PARP8: variants seen among roughly 807,000 people sequenced by gnomAD.
The protein encoded by PARP8 is poly(ADP-ribose) polymerase family member 8.
Under a neutral mutation model 124.1 loss-of-function variants are expected in PARP8, and 51 were observed. That is an observed-to-expected ratio of 0.41 (90% CI 0.33 to 0.52). PARP8 has a LOEUF of 0.52. PARP8 is among the 20% of genes least tolerant of loss of function. The pLI is 0.21. For synonymous variants in PARP8, 391 were observed against 361.5 expected, an observed-to-expected ratio of 1.08 and a Z score of -0.93; for missense variants, 860 against 1,018.9, an observed-to-expected ratio of 0.84 and a Z score of 2.12.
chr5:50,694,068 C>G (rs964648001), intron 2 of PARP8, among the ~76,000 whole-genome samples: 6 of 152,028 alleles, frequency 3.9e-5, no homozygotes, highest in African/African-American at 1.4e-4. Flanking sequence ...CTTTCTGTAC[C>G]ATTCTTTATG....
intron 7 of PARP8, among the ~76,000 whole-genome samples, chr5:50,767,606 A>T (rs978024846): frequency 7.2e-5 from 11 of 152,210 alleles, no homozygotes; most frequent in African/African-American, 2.4e-4. Context: ...TCTTATGCAC[A>T]GTTTTACATG....
At chr5:50,769,832 T>G (rs1761424143) in intron 7 of PARP8, among the ~76,000 whole-genome samples, 2 of 152,086 alleles carry the variant, frequency 1.3e-5, no homozygotes, top group African/African-American at 4.8e-5. Context: ...CATATTGTGA[T>G]AAGACAGATT....
At chr5:50,748,191 GT>G (rs1758823400) in intron 2 of PARP8, among the ~76,000 whole-genome samples, 1 of 40,302 alleles carries the variant, frequency 2.5e-5, no homozygotes, top group Non-Finnish European at 7.0e-5. Flanking sequence ...TTTTTAAGCA[GT>G]TTGTGTGTGT....
chr5:50,790,053 TG>T (rs1741772113), intron 10 of PARP8, among the ~76,000 whole-genome samples: 1 of 152,172 alleles, frequency 6.6e-6, no homozygotes, highest in Non-Finnish European at 1.5e-5. Flanking sequence ...TGACTTAAAT[TG>T]GGGCAGTACT....
At chr5:50,737,976 A>G (rs1757644473) in intron 2 of PARP8, among the ~76,000 whole-genome samples, 1 of 152,226 alleles carries the variant, frequency 6.6e-6, no homozygotes, top group Non-Finnish European at 1.5e-5. Flanking sequence ...TCTTATGAGA[A>G]CAAAACATGT....
intron 7 of PARP8, among the ~76,000 whole-genome samples, chr5:50,776,818 G>A (rs752597975): frequency 3.3e-5 from 5 of 152,048 alleles, no homozygotes; most frequent in Non-Finnish European, 5.9e-5. Flanking sequence ...TCTATTACTT[G>A]AATACATAAT....
intron 2 of PARP8, among the ~76,000 whole-genome samples, chr5:50,684,390 A>C (rs1323972507): frequency 6.6e-6 from 1 of 152,164 alleles, no homozygotes; most frequent in East Asian, 1.9e-4. Flanking sequence ...TAAAACAATA[A>C]AAATGCAGTC....
intron 3 of PARP8, among the ~76,000 whole-genome samples, chr5:50,755,789 G>C (rs999256505): frequency 1.7e-4 from 26 of 152,076 alleles, no homozygotes; most frequent in African/African-American, 6.3e-4. Context: ...CCATTTTCAC[G>C]ATATTGATTC....
intron 2 of PARP8, among the ~76,000 whole-genome samples, chr5:50,704,161 TTTAGCTTCCTTTACCC>T (rs1383549761): frequency 6.6e-6 from 1 of 151,990 alleles, no homozygotes; most frequent in Non-Finnish European, 1.5e-5. Flanking sequence ...AGCTGGAGAG[TTTAGCTTCCTTTACCC>T]TTTGAAACTT....
At chr5:50,682,260 G>T (rs1243639356) in intron 2 of PARP8, among the ~76,000 whole-genome samples, 1 of 152,092 alleles carries the variant, frequency 6.6e-6, no homozygotes, top group Non-Finnish European at 1.5e-5. Context: ...AGCAAAAAGC[G>T]TGAATCAATA....
At chr5:50,682,449 T>C (rs1751396594) in intron 2 of PARP8, among the ~76,000 whole-genome samples, 1 of 148,636 alleles carries the variant, frequency 6.7e-6, no homozygotes, top group South Asian at 2.1e-4. Flanking sequence ...TTTCAGTTCA[T>C]GTGCTAATAT....
chr5:50,667,900 G>A, intron 1 of PARP8, 171 bp from the exon 2 acceptor site: 1 of 1,497,472 alleles, frequency 6.7e-7, no homozygotes, highest in African/African-American at 1.4e-5. Context: ...CCCAGTCGGG[G>A]GCGCGCCGCA....
Position 50,795,296 on chromosome 5 carries a change from C to T in PARP8, c.1307C>T (p.Ala436Val). Residue 436 changes from alanine (A) to valine (V), a missense_variant, in exon 12 of 26, where the codon GCC becomes GTC. Physicochemically the swap from Ala to Val is moderately conservative, Grantham distance 64 (BLOSUM62 0). Coordinates refer to ENST00000281631, the MANE Select transcript of PARP8 (RefSeq NM_024615.4). ...TTGCTCAGCAAGTCCTACTCCAGTGCCCCCAAGTCATCCAAAACTGAGCTT... is the reference window on the plus strand; with the variant it reads ...TTGCTCAGCAAGTCCTACTCCAGTGTCCCCAAGTCATCCAAAACTGAGCTT... Reference protein sequence around the residue: ...HKLLSKSYSSAPKSSKTELFK... With the variant: ...HKLLSKSYSSVPKSSKTELFK... 6.2e-7 allele frequency: 1 copy of T among 1,614,044 alleles called. No homozygotes were observed.
chr5:50,803,235 C>T (rs1272996808), intron 14 of PARP8, among the ~76,000 whole-genome samples: 7 of 152,154 alleles, frequency 4.6e-5, no homozygotes, highest in Non-Finnish European at 7.4e-5. Context: ...TGATGAATTG[C>T]TTCTCTCGCT....
chr5:50,671,738 A>C (rs1005854720), intron 2 of PARP8, among the ~76,000 whole-genome samples: 1 of 152,170 alleles, frequency 6.6e-6, no homozygotes, highest in Non-Finnish European at 1.5e-5. Flanking sequence ...TAGAAAAGAC[A>C]TGAGACTAAA....
At chr5:50,835,090 G>C (rs1747417689) in intron 25 of PARP8, 75 bp downstream of exon 25, 1 of 1,275,936 alleles carries the variant, frequency 7.8e-7, no homozygotes. Context: ...ATTATCGTTT[G>C]GTCTCTTTAG....
chr5:50,827,625 G>T (rs1048840301), intron 19 of PARP8, among the ~76,000 whole-genome samples: 1 of 152,230 alleles, frequency 6.6e-6, no homozygotes, highest in South Asian at 2.1e-4. Context: ...TAAAAGAAAT[G>T]TAATTAAGAA....
intron 10 of PARP8, among the ~76,000 whole-genome samples, chr5:50,793,140 A>AAATGTG (rs1347144598): frequency 2.0e-5 from 3 of 152,164 alleles, no homozygotes; most frequent in African/African-American, 7.2e-5. Context: ...TTAGAGGCAA[A>AAATGTG]AATGTGCATA....
Position 50,818,150 on chromosome 5 carries a change from T to C in PARP8, c.1668+2626T>C, listed in dbSNP as rs138677832. 2.0e-3 allele frequency among the ~76,000 whole-genome samples: 296 copies of C among 151,750 alleles called. 1 individual carries two copies. Among genetic ancestry groups the C allele is most frequent in the East Asian group, 6.6e-3 (34 of 5,148 alleles). On this transcript the variant is annotated intron_variant, in intron 15 of 25. Coordinates refer to ENST00000281631, the MANE Select transcript of PARP8 (RefSeq NM_024615.4). ...ATTTAGAATCTTTAATTTTAAATCG[T>C]TGGGAGTGGGGAAATATATCATTTA...
Sources: allele counts gnomAD v4.1 joint callset (sites outside exome capture counted in the v4.1 genomes callset), GRCh38; gene constraint gnomAD v4.1.1; transcripts MANE v1.5; gene names NCBI Gene and HGNC (gene_info 2026-07-23, HGNC 2026-07-21).